Variants in RP1 observed in about 807,000 individuals in gnomAD.
RP1 encodes the protein oxygen-regulated protein 1.
RP1 carries 16 observed loss-of-function variants against 14.8 expected under a neutral mutation model. The observed-to-expected ratio is 1.08, with a 90% CI of 0.73 to 1.65. The LOEUF is 1.65. Among genes scored for constraint, RP1 ranks in the 40% most tolerant of loss-of-function variants. The pLI is 0.00. For missense variants in RP1, 2,631 were observed against 2,535.0 expected (o/e 1.04, Z -0.81); for synonymous variants, 876 against 883.6 (o/e 0.99, Z 0.15).
At chr8:54,736,993 C>G (rs1221882592) in intron 18 of RP1, among the ~76,000 whole-genome samples, 1 of 152,124 alleles carries the variant, frequency 6.6e-6, no homozygotes, top group Non-Finnish European at 1.5e-5. Flanking sequence ...TTCCCTTGTT[C>G]CTTTTCATTG....
intron 23 of RP1, among the ~76,000 whole-genome samples, chr8:54,779,151 G>A (rs1305518171): frequency 6.6e-6 from 1 of 152,126 alleles, no homozygotes; most frequent in Non-Finnish European, 1.5e-5. Context: ...GGTCTTTTTA[G>A]GCTGTCTTAA....
chr8:54,786,665 A>AT (rs1255701703), intron 24 of RP1, among the ~76,000 whole-genome samples: 5 of 151,996 alleles, frequency 3.3e-5, no homozygotes, highest in Non-Finnish European at 7.4e-5. Context: ...CATTTCAATA[A>AT]TTTTTTTATT....
chr8:54,613,192 G>T (rs76834833), upstream of RP1, among the ~76,000 whole-genome samples: 377 of 152,236 alleles, frequency 2.5e-3, 1 homozygote, highest in African/African-American at 8.8e-3. Flanking sequence ...AGGCCATTTA[G>T]GTTCAATATC....
rs533789103 is a variant in RP1 at position 54,829,415 on chromosome 8, C to T, written c.3616-8035C>T. Among the ~76,000 whole-genome samples the T allele has an allele frequency of 3.9e-5, 6 of 151,994 alleles. No homozygotes were observed. In the South Asian group the frequency reaches 1.2e-3, roughly 32 times the overall value. On this transcript the variant is annotated intron_variant, in intron 24 of 28. Coordinates refer to the RP1 transcript ENST00000637698. ...GAGAAATTAAAGAATTAGATGAAAC[C>T]AGAAAATAAAAGCATCCATTATAAA... is the stretch of plus-strand genomic sequence containing the variant.
intron 12 of RP1, among the ~76,000 whole-genome samples, chr8:54,681,596 C>T (rs1261823941): frequency 2.7e-5 from 4 of 150,114 alleles, no homozygotes; most frequent in South Asian, 2.1e-4. Context: ...CACAGGTAAA[C>T]GTGTGCCATG....
intron 6 of RP1, chr8:54,663,634 T>C (rs1220937657): frequency 5.9e-6 from 8 of 1,362,136 alleles, no homozygotes; most frequent in Non-Finnish European, 9.5e-7. Context: ...AGGAGATTTC[T>C]GTATGTAATT....
At chr8:54,734,790 C>A (rs950160995) in intron 18 of RP1, 1 of 1,459,806 alleles carries the variant, frequency 6.9e-7, no homozygotes, top group African/African-American at 1.4e-5. Context: ...ATTTCAAAGA[C>A]ATTTCTGTAA....
intron 12 of RP1, among the ~76,000 whole-genome samples, chr8:54,699,045 A>T (rs966519358): frequency 2.6e-5 from 4 of 152,034 alleles, no homozygotes; most frequent in Non-Finnish European, 5.9e-5. Context: ...AATAAAATAA[A>T]AGAAAGTTTA....
At chr8:54,834,669 T>G (rs56956895) in intron 24 of RP1, among the ~76,000 whole-genome samples, 3,086 of 138,522 alleles carry the variant, frequency 0.022, 167 homozygotes, top group East Asian at 0.21. Context: ...TGTCTATGCT[T>G]TGGGAGTTTT....
intron 1 of RP1, among the ~76,000 whole-genome samples, chr8:54,588,890 T>C (rs551460292): frequency 5.3e-5 from 8 of 152,366 alleles, no homozygotes; most frequent in African/African-American, 1.9e-4. Context: ...ACATATGTAC[T>C]CATTGAGCTG....
intron 14 of RP1, among the ~76,000 whole-genome samples, chr8:54,705,809 C>G (rs1056354584): frequency 1.1e-4 from 15 of 140,120 alleles, no homozygotes; most frequent in Admixed American, 2.2e-4. Flanking sequence ...GAACAGATAT[C>G]CAATTTTAGC....
At chr8:54,669,209 G>A (rs1259955599) in intron 7 of RP1, among the ~76,000 whole-genome samples, 2 of 152,066 alleles carry the variant, frequency 1.3e-5, no homozygotes, top group Admixed American at 6.6e-5. Flanking sequence ...ATCAAAAAGT[G>A]GGCAAAGGAT....
At chr8:54,788,422 C>A (rs188167346) in intron 24 of RP1, among the ~76,000 whole-genome samples, 1 of 152,132 alleles carries the variant, frequency 6.6e-6, no homozygotes, top group African/African-American at 2.4e-5. Context: ...TTTCTTTTCT[C>A]TCCTCCTTCT....
upstream of RP1, among the ~76,000 whole-genome samples, chr8:54,614,471 A>G (rs1805667901): frequency 6.6e-6 from 1 of 152,108 alleles, no homozygotes. Flanking sequence ...CCCCAGGCCT[A>G]CTGAGTCAAC....
rs1188542698 is a variant in RP1 at position 54,786,073 on chromosome 8, GT to G, written c.3615+2369del. On this transcript the variant is annotated intron_variant, in intron 24 of 28. Coordinates refer to the RP1 transcript ENST00000637698. ...AATATGTTTTACAATTTTTTCTCCC[GT>G]TTTTTGAGTTACCTTTTAACTTCCT... 3.6e-4 allele frequency among the ~76,000 whole-genome samples: 54 copies of G among 152,056 alleles called. No homozygotes were observed. The Middle Eastern group carries it at 0.01, about 29-fold the overall frequency.
In RP1 at chr8:54,629,806, G is replaced by A. The variant is rs968823283; in HGVS notation, c.5924G>A (p.Ser1975Asn). 3.1e-6 allele frequency: 5 copies of A among 1,612,174 alleles called. No homozygotes were observed. The East Asian group carries it at 8.9e-5, about 29-fold the overall frequency. ...TTCAGGGAAGAGAACAATAAAGCAAGTATGAGACAAAATCTTATTGATAAT... is the reference window on the plus strand; with the variant it reads ...TTCAGGGAAGAGAACAATAAAGCAAATATGAGACAAAATCTTATTGATAAT... The part of the protein sequence containing the change: ...NVFREENNKA[S>N]MRQNLIDNAI... The change falls in exon 4 of 4, where the codon AGT becomes AAT. Residue 1975 changes from serine to asparagine, a missense_variant. Physicochemically the swap from Ser to Asn is conservative, Grantham distance 46 (BLOSUM62 1). Coordinates refer to ENST00000220676, the MANE Select transcript of RP1 (RefSeq NM_006269.2).
At chr8:54,828,501 T>G (rs144073019) in intron 24 of RP1, among the ~76,000 whole-genome samples, 1 of 152,272 alleles carries the variant, frequency 6.6e-6, no homozygotes, top group African/African-American at 2.4e-5. Flanking sequence ...GGGCTCCTCT[T>G]TGTCTTCTGC....
chr8:54,619,181 A>G (rs972694547), intron 1 of RP1, among the ~76,000 whole-genome samples: 2 of 152,194 alleles, frequency 1.3e-5, no homozygotes, highest in African/African-American at 4.8e-5. Flanking sequence ...AATTACTTTA[A>G]ACCTCTGAGG....
At chr8:54,673,842 C>T (rs1293605640) in intron 7 of RP1, 16 of 1,531,752 alleles carry the variant, frequency 1.0e-5, no homozygotes, top group South Asian at 9.5e-5. Context: ...CTTTTTGATT[C>T]GTTATAGACT....
Sources: gnomAD v4.1 joint callset for allele counts (sites outside exome capture counted in the v4.1 genomes callset) on GRCh38, gnomAD v4.1.1 for gene constraint, MANE v1.5 for transcripts, NCBI Gene and HGNC (gene_info 2026-07-23, HGNC 2026-07-21) for gene names.